DCP2: variants seen among roughly 807,000 people sequenced by gnomAD.
The protein encoded by DCP2 is decapping mRNA 2, also known as m7GpppN-mRNA hydrolase.
Under a neutral mutation model 56.1 loss-of-function variants are expected in DCP2, and 30 were observed. The ratio of observed to expected loss-of-function variants is 0.53; its 90% CI spans 0.40 to 0.73. DCP2 has a LOEUF of 0.73. DCP2 is among the 30% of genes least tolerant of loss of function. The probability of loss-of-function intolerance (pLI) is 0.00; values close to 1 mark genes in which losing one functional copy is unlikely to be tolerated. For missense variants in DCP2, 533 were observed against 502.7 expected (o/e 1.06, Z -0.58); for synonymous variants, 197 against 163.3 (o/e 1.21, Z -1.57).
intron 9 of DCP2, among the ~76,000 whole-genome samples, chr5:113,008,719 A>G (rs1438930477): frequency 6.6e-6 from 1 of 152,216 alleles, no homozygotes; most frequent in African/African-American, 2.4e-5. Context: ...TCATTTGACT[A>G]CTTTACCTTT....
intron 9 of DCP2, among the ~76,000 whole-genome samples, chr5:113,010,167 G>C (rs958987591): frequency 1.3e-5 from 2 of 151,208 alleles, no homozygotes; most frequent in Non-Finnish European, 2.9e-5. Flanking sequence ...AGAGTAGCTG[G>C]GACTATAGGT....
intron 4 of DCP2, among the ~76,000 whole-genome samples, chr5:112,994,228 G>A (rs998383196): frequency 2.2e-5 from 3 of 134,696 alleles, no homozygotes; most frequent in Admixed American, 8.4e-5. Context: ...CTGGAGTACA[G>A]TGACATGATG....
At chr5:113,003,420 C>A (rs1261926209) in intron 7 of DCP2, among the ~76,000 whole-genome samples, 1 of 151,938 alleles carries the variant, frequency 6.6e-6, no homozygotes, top group East Asian at 1.9e-4. Flanking sequence ...TGTGCAGGGT[C>A]AAAAAATTAG....
rs753182954 is a variant in DCP2, at chr5:112,977,005, C to A, written c.53+19C>A. ...TCTGCAGGTACCGCGCTACCCGACCCCCTTTCGCCCCCGTCGGGTTTTCTC... is the reference window on the plus strand; with the variant it reads ...TCTGCAGGTACCGCGCTACCCGACCACCTTTCGCCCCCGTCGGGTTTTCTC... On this transcript the variant is annotated intron_variant, in intron 1 of 10. Coordinates refer to ENST00000389063, the MANE Select transcript of DCP2 (RefSeq NM_152624.6). The A allele has an allele frequency of 6.7e-7, 1 of 1,496,936 alleles. No individual in the cohort carries two copies. The highest frequency in any genetic ancestry group is 9.0e-7 in the Non-Finnish European group (1 of 1,112,348). 92.7% of individuals were successfully genotyped at this position (1,496,936 alleles called of 1,614,324 possible). A position where few individuals can be genotyped will look rare whatever the true frequency, so the allele number is the denominator to read the frequency against.
At chr5:113,004,823 T>TA (rs1218761236) in intron 8 of DCP2, among the ~76,000 whole-genome samples, 23 of 151,972 alleles carry the variant, frequency 1.5e-4, no homozygotes, top group Non-Finnish European at 3.4e-4. Context: ...TTTTTTTTTT[T>TA]ATTTTAAAAA....
Position 113,003,938 on chromosome 5 carries a change from G to A in DCP2, c.807-4G>A, listed in dbSNP as rs779064426. 2 of 1,613,880 alleles carry A rather than the reference G, an allele frequency of 1.2e-6. No homozygotes were observed. The highest frequency in any genetic ancestry group is 1.7e-6 in the Non-Finnish European group (2 of 1,179,942). ...ATTTGATTATTTTTTAAATCTTGGTGTAGTCGAACCAAATTCCGCCACAGT... is the reference window on the plus strand; with the variant it reads ...ATTTGATTATTTTTTAAATCTTGGTATAGTCGAACCAAATTCCGCCACAGT... On this transcript the variant is annotated splice_region_variant and splice_polypyrimidine_tract_variant and intron_variant, in intron 7 of 10. Coordinates refer to ENST00000389063, the MANE Select transcript of DCP2 (RefSeq NM_152624.6).
chr5:112,986,783 A>G (rs1359772629), intron 2 of DCP2, among the ~76,000 whole-genome samples: 1 of 152,178 alleles, frequency 6.6e-6, no homozygotes, highest in Non-Finnish European at 1.5e-5. Context: ...GTGGATTGCC[A>G]GAACTCAGGA....
Position 113,013,532 on chromosome 5 carries a change from T to C in DCP2, c.*48T>C. ...GTCCCAGGATCAGAGACCTGTTGAA[T>C]TTGAGTGGGTGTCTCCTCAAGCCTT... On this transcript the variant is annotated 3_prime_UTR_variant, in exon 11 of 11. Coordinates refer to ENST00000389063, the MANE Select transcript of DCP2 (RefSeq NM_152624.6). The C allele has an allele frequency of 1.2e-6, 2 of 1,601,586 alleles. No individual in the cohort carries two copies. Among genetic ancestry groups the C allele is most frequent in the Non-Finnish European group, 8.5e-7 (1 of 1,172,210 alleles).
chr5:112,980,075 G>A (rs1399491598), intron 1 of DCP2, among the ~76,000 whole-genome samples: 1 of 152,174 alleles, frequency 6.6e-6, no homozygotes, highest in African/African-American at 2.4e-5. Context: ...GTGTAAAGGT[G>A]AATCTGCAGC....
intron 8 of DCP2, among the ~76,000 whole-genome samples, chr5:113,005,054 G>T (rs947404812): frequency 6.6e-6 from 1 of 151,860 alleles, no homozygotes; most frequent in East Asian, 1.9e-4. Context: ...GCTTGAACTC[G>T]GGAAGCAGAG....
intron 9 of DCP2, 96 bp downstream of exon 9, chr5:113,008,138 C>G (rs1031983661): frequency 4.7e-6 from 5 of 1,068,736 alleles, no homozygotes; most frequent in Non-Finnish European, 6.8e-6. Context: ...TTGTTTTGTT[C>G]TTATTTTAAT....
At chr5:113,006,692 A>G (rs541146387) in intron 8 of DCP2, among the ~76,000 whole-genome samples, 294 of 152,242 alleles carry the variant, frequency 1.9e-3, no homozygotes, top group African/African-American at 6.5e-3. Context: ...TATCTTTTCA[A>G]TATCTCAAAC....
At position 113,001,248 on chromosome 5, in the gene DCP2, G is replaced by C. The variant is rs1447970698; in HGVS notation, c.585+12G>C. On this transcript the variant is annotated intron_variant, in intron 5 of 10. Coordinates refer to ENST00000389063, the MANE Select transcript of DCP2 (RefSeq NM_152624.6). ...GAAGAGAAATTCGGGTATGTAACAA[G>C]AGTATTTTCAGGTTACTGGACAGTA... 6.2e-7 allele frequency: 1 copy of C among 1,611,724 alleles called. No homozygotes were observed. Among genetic ancestry groups the C allele is most frequent in the Non-Finnish European group, 8.5e-7 (1 of 1,179,324 alleles).
chr5:112,991,605 T>G (rs1347958481), intron 2 of DCP2, among the ~76,000 whole-genome samples: 1 of 152,228 alleles, frequency 6.6e-6, no homozygotes, highest in African/African-American at 2.4e-5. Context: ...TTCATACTTC[T>G]CCTTCCCAGA....
rs545623888 is a variant in DCP2 at position 113,003,646 on chromosome 5, A to G, written c.807-296A>G. Among the ~76,000 whole-genome samples the G allele has an allele frequency of 5.3e-5, 8 of 152,338 alleles. No homozygotes were observed. The East Asian group carries it at 1.2e-3, about 22-fold the overall frequency. On this transcript the variant is annotated intron_variant, in intron 7 of 10. Coordinates refer to ENST00000389063, the MANE Select transcript of DCP2 (RefSeq NM_152624.6). ...TAGTCTGCATATTTTTTAAGAGTACACTATAATCACTTATAGGGAGGAGAT... is the reference window on the plus strand; with the variant it reads ...TAGTCTGCATATTTTTTAAGAGTACGCTATAATCACTTATAGGGAGGAGAT...
intron 2 of DCP2, among the ~76,000 whole-genome samples, chr5:112,989,446 T>G (rs1357653207): frequency 6.6e-6 from 1 of 151,578 alleles, no homozygotes; most frequent in African/African-American, 2.4e-5. Flanking sequence ...AAAAAAGATT[T>G]GGGAGCTAAA....
chr5:112,992,728 A>G lies in DCP2; in HGVS notation c.390A>G (p.Lys130=), dbSNP rs781250071. 2 of 1,592,324 alleles carry G rather than the reference A, an allele frequency of 1.3e-6. No homozygotes were observed. The highest frequency in any genetic ancestry group is 4.6e-5 in the East Asian group (2 of 43,856). ...AKSGWGFPKG[K]VNKEEAPHDC... ...CAGGCTGGGGATTTCCAAAAGGAAAAGTAAATAAAGAAGAAGCTCCTCATG... is the reference window on the plus strand; with the variant it reads ...CAGGCTGGGGATTTCCAAAAGGAAAGGTAAATAAAGAAGAAGCTCCTCATG... The change falls in exon 4 of 11, where the codon AAA becomes AAG. Residue 130 remains lysine (K), a synonymous_variant. Coordinates refer to ENST00000389063, the MANE Select transcript of DCP2 (RefSeq NM_152624.6).
intron 1 of DCP2, among the ~76,000 whole-genome samples, chr5:112,983,699 A>G (rs187288638): frequency 0.019 from 2,844 of 150,864 alleles, 32 homozygotes; most frequent in Non-Finnish European, 0.027. Context: ...CAGACTGGGG[A>G]AAAAAAAAGG....
At chr5:112,991,823 C>G (rs1325128066) in intron 2 of DCP2, among the ~76,000 whole-genome samples, 1 of 152,140 alleles carries the variant, frequency 6.6e-6, no homozygotes, top group Non-Finnish European at 1.5e-5. Context: ...TGTTAGGGAT[C>G]CAGGACTGTG....
Sources: gnomAD v4.1 joint callset for allele counts (sites outside exome capture counted in the v4.1 genomes callset) on GRCh38, gnomAD v4.1.1 for gene constraint, MANE v1.5 for transcripts, NCBI Gene and HGNC (gene_info 2026-07-23, HGNC 2026-07-21) for gene names.